Variants in RCAN1 observed in about 807,000 individuals in gnomAD.
RCAN1 encodes the protein calcipressin-1.
Under a neutral mutation model 22.9 loss-of-function variants are expected in RCAN1, and 11 were observed. The observed-to-expected ratio is 0.48, with a 90% CI of 0.30 to 0.79. RCAN1 has a LOEUF of 0.79. RCAN1 is among the 30% of genes least tolerant of loss of function. The probability of loss-of-function intolerance (pLI) is 0.06; values close to 1 mark genes in which losing one functional copy is unlikely to be tolerated. For missense variants in RCAN1, 291 were observed against 337.8 expected (o/e 0.86, Z 1.09); for synonymous variants, 136 against 142.3 (o/e 0.96, Z 0.32).
intron 1 of RCAN1, among the ~76,000 whole-genome samples, chr21:34,598,291 T>C (rs1410054673): frequency 1.3e-5 from 2 of 152,194 alleles, no homozygotes; most frequent in African/African-American, 4.8e-5. Context: ...ATAGGACAAT[T>C]CACTGTATTA....
At chr21:34,599,257 T>C (rs1342201604) in intron 1 of RCAN1, among the ~76,000 whole-genome samples, 2 of 152,170 alleles carry the variant, frequency 1.3e-5, no homozygotes, top group Non-Finnish European at 2.9e-5. Context: ...TCAATAGGAA[T>C]AGCTGGTTGA....
rs1041989790 is a variant in RCAN1, at chr21:34,523,821, C to T, written c.253-111G>A. 4 of 898,396 alleles carry T rather than the reference C, an allele frequency of 4.5e-6. No individual in the cohort carries two copies. The African/African-American group carries it at 6.8e-5, about 15-fold the overall frequency. 55.7% of individuals were successfully genotyped at this position (898,396 alleles called of 1,614,324 possible). On this transcript the variant is annotated intron_variant, in intron 1 of 3. Coordinates refer to ENST00000313806, the MANE Select transcript of RCAN1 (RefSeq NM_004414.7). ...TCTTCGAGACAGAGTCTTGCTCTGT[C>T]ACCCAGGCTGGAGTGCAGTGGTGCA... is the stretch of plus-strand genomic sequence containing the variant.
chr21:34,551,298 G>C (rs1262935948), intron 1 of RCAN1, among the ~76,000 whole-genome samples: 2 of 152,178 alleles, frequency 1.3e-5, no homozygotes, highest in Admixed American at 6.5e-5. Flanking sequence ...AAAAGTCACA[G>C]ATATTTACCC....
chr21:34,526,989 A>G, intron 1 of RCAN1: 1 of 1,320,528 alleles, frequency 7.6e-7, no homozygotes, highest in Non-Finnish European at 9.6e-7. Flanking sequence ...TTTCTACTGG[A>G]AAGAGGTGAC....
chr21:34,549,497 A>C (rs1470693899), intron 1 of RCAN1, among the ~76,000 whole-genome samples: 1 of 152,200 alleles, frequency 6.6e-6, no homozygotes, highest in African/African-American at 2.4e-5. Flanking sequence ...GAGGATCCCA[A>C]AATGAAAAAT....
Position 34,572,019 on chromosome 21 carries a change from C to T in RCAN1, c.252+42741G>A, listed in dbSNP as rs543659421. ...ATCATCCTATTTCAAGAAGAGCTCC[C>T]TTTTATCATTAAGGAGACACAGTAC... On this transcript the variant is annotated intron_variant, in intron 1 of 3. Coordinates refer to ENST00000313806, the MANE Select transcript of RCAN1 (RefSeq NM_004414.7). 2.0e-3 allele frequency among the ~76,000 whole-genome samples: 308 copies of T among 152,182 alleles called. 1 individual carries two copies. The highest frequency in any genetic ancestry group is 3.4e-3 in the Non-Finnish European group (233 of 68,006).
intron 2 of RCAN1, 64 bp from the exon 3 acceptor site, chr21:34,521,722 A>G: frequency 7.2e-7 from 1 of 1,381,450 alleles, no homozygotes; most frequent in Non-Finnish European, 1.0e-6. Context: ...AGGCAACAGC[A>G]CCTAACGCCA....
Position 34,614,265 on chromosome 21 carries a change from C to T in RCAN1, c.252+495G>A. On this transcript the variant is annotated intron_variant, in intron 1 of 3. Transcript: ENST00000313806. This position sits in a 1 kb window ranked among gnomAD's most constrained non-coding sequence, Gnocchi z 6.0. ...GGCCAGCCGCTGGCTAATGAGCAAC[C>T]ACGGATCCTCACCCAAACATTGGCT... The T allele has an allele frequency of 1.0e-6, 1 of 994,798 alleles. No individual in the cohort carries two copies. The highest frequency in any genetic ancestry group is 1.2e-6 in the Non-Finnish European group (1 of 836,572). 61.6% of individuals were successfully genotyped at this position (994,798 alleles called of 1,614,324 possible). A position where few individuals can be genotyped will look rare whatever the true frequency, so the allele number is the denominator to read the frequency against.
Position 34,549,536 on chromosome 21 carries a change from T to C in RCAN1, c.253-25826A>G, listed in dbSNP as rs373831620. Among the ~76,000 whole-genome samples, 212 of 152,242 alleles carry C rather than the reference T, an allele frequency of 1.4e-3. 2 individuals carry two copies. Among genetic ancestry groups the C allele is most frequent in the African/African-American group, 4.9e-3 (202 of 41,532 alleles). ...GGAGGGAAACTTAGAAAAGTAGTACTCTCTCACAGCCAGAGTGGTGCTGGT... is the reference window on the plus strand; with the variant it reads ...GGAGGGAAACTTAGAAAAGTAGTACCCTCTCACAGCCAGAGTGGTGCTGGT... On this transcript the variant is annotated intron_variant, in intron 1 of 3. Coordinates refer to ENST00000313806, the MANE Select transcript of RCAN1 (RefSeq NM_004414.7).
At position 34,518,333 on chromosome 21, in the gene RCAN1, G is replaced by C; in HGVS notation, c.587-77C>G. On this transcript the variant is annotated intron_variant, in intron 3 of 3. Transcript: ENST00000313806. This position sits in a 1 kb window ranked among gnomAD's most constrained non-coding sequence, Gnocchi z 4.2. ...AAAGGCAAACATAAAAGAGCATTCAGGGCTCTGCTGGGCCAGCTGCTCGTG... is the reference window on the plus strand; with the variant it reads ...AAAGGCAAACATAAAAGAGCATTCACGGCTCTGCTGGGCCAGCTGCTCGTG... 1 of 1,438,088 alleles carries C rather than the reference G, an allele frequency of 7.0e-7. No homozygotes were observed. The highest frequency in any genetic ancestry group is 2.5e-4 in the Middle Eastern group (1 of 4,072). 89.1% of individuals were successfully genotyped at this position (1,438,088 alleles called of 1,614,324 possible).
At chr21:34,532,876 A>C (rs6517241) in intron 1 of RCAN1, among the ~76,000 whole-genome samples, 7 of 152,084 alleles carry the variant, frequency 4.6e-5, no homozygotes, top group Non-Finnish European at 8.8e-5. Context: ...GCAAATTCCA[A>C]CCCCCCACTG....
intron 1 of RCAN1, among the ~76,000 whole-genome samples, chr21:34,584,682 C>T (rs78360636): frequency 0.018 from 2,755 of 152,232 alleles, 76 homozygotes; most frequent in African/African-American, 0.057. Context: ...ACACAGAGGA[C>T]GTCAGTCCAA....
In RCAN1 at chr21:34,614,151, CCTT is replaced by C. The variant is rs1988755750; in HGVS notation, c.252+606_252+608del. On this transcript the variant is annotated intron_variant, in intron 1 of 3. Transcript: ENST00000313806. The surrounding 1 kb of genome is among the most constrained non-coding windows in gnomAD (Gnocchi z 6.0). ...GTGTCCCCGATGGCGGCAAGCCACA[CCTT>C]CACACAAGGGGGCAAGGTTCTTGAC... 8.3e-6 allele frequency: 7 copies of C among 839,010 alleles called. No homozygotes were observed. The highest frequency in any genetic ancestry group is 1.0e-5 in the Non-Finnish European group (7 of 671,444). The allele number at this position is 839,010 out of a possible 1,614,324, so 52.0% of individuals were successfully genotyped here.
intron 1 of RCAN1, among the ~76,000 whole-genome samples, chr21:34,599,137 C>T (rs994564765): frequency 3.3e-5 from 5 of 152,122 alleles, no homozygotes; most frequent in Non-Finnish European, 7.4e-5. Flanking sequence ...CTCAGAAATT[C>T]CACTTCTAGC....
intron 1 of RCAN1, among the ~76,000 whole-genome samples, chr21:34,549,472 G>A (rs373781080): frequency 9.9e-5 from 15 of 152,158 alleles, no homozygotes; most frequent in South Asian, 4.1e-4. Flanking sequence ...GGTGGCTGCC[G>A]AGGTGGTGAA....
chr21:34,580,843 C>A (rs1987580309), intron 1 of RCAN1, among the ~76,000 whole-genome samples: 1 of 152,194 alleles, frequency 6.6e-6, no homozygotes. Flanking sequence ...CCTGGCCTTG[C>A]AAACTTTCTA....
intron 1 of RCAN1, among the ~76,000 whole-genome samples, chr21:34,556,111 A>G (rs1986562688): frequency 1.2e-5 from 1 of 83,920 alleles, no homozygotes. Flanking sequence ...TAAAGGCCAA[A>G]AAAAAAAAAA....
At chr21:34,525,198 T>C (rs2123587234) in intron 1 of RCAN1, 1 of 1,550,582 alleles carries the variant, frequency 6.4e-7, no homozygotes, top group Non-Finnish European at 8.7e-7. Context: ...GGGGAGGCAC[T>C]GGTGGATGCC....
intron 2 of RCAN1, chr21:34,522,875 T>A (rs1378274910): frequency 1.3e-5 from 2 of 152,128 alleles, no homozygotes; most frequent in Middle Eastern, 6.3e-3. Flanking sequence ...GCCTTGAAGG[T>A]GGGTCACCTG....
Sources: allele counts gnomAD v4.1 joint callset (sites outside exome capture counted in the v4.1 genomes callset), GRCh38; gene constraint gnomAD v4.1.1; non-coding constraint Gnocchi (gnomAD v3.1); transcripts MANE v1.5; gene names NCBI Gene and HGNC (gene_info 2026-07-23, HGNC 2026-07-21).